Variants in SNX30 observed in about 807,000 individuals in gnomAD.
The protein encoded by SNX30 is sorting nexin family member 30, also known as sorting nexin-30.
SNX30 carries 24 observed loss-of-function variants against 46.4 expected under a neutral mutation model. The observed-to-expected ratio is 0.52, with a 90% CI of 0.37 to 0.73. The LOEUF (loss-of-function observed/expected upper bound fraction) is 0.73, where lower values mean the gene tolerates loss of function less well. SNX30 is among the 30% of genes least tolerant of loss of function. The pLI, the probability that SNX30 is intolerant of heterozygous loss-of-function variation, is 0.00. For missense variants in SNX30, 533 were observed against 555.7 expected (o/e 0.96, Z 0.41); for synonymous variants, 189 against 211.5 (o/e 0.89, Z 0.92).
At chr9:112,822,774 T>C (rs1010496219) in intron 3 of SNX30, among the ~76,000 whole-genome samples, 1 of 152,202 alleles carries the variant, frequency 6.6e-6, no homozygotes, top group African/African-American at 2.4e-5. Context: ...CTGTTCTGAA[T>C]AGTGTGATGA....
At chr9:112,785,369 C>T (rs1279949405) in intron 1 of SNX30, among the ~76,000 whole-genome samples, 1 of 142,404 alleles carries the variant, frequency 7.0e-6, no homozygotes, top group Admixed American at 7.6e-5. Flanking sequence ...GTGTGTACTA[C>T]CATGCCTGGC....
At chr9:112,884,652 G>A (rs558915683), downstream of SNX30, among the ~76,000 whole-genome samples, 6 of 152,312 alleles carry the variant, frequency 3.9e-5, no homozygotes, top group South Asian at 1.0e-3. Context: ...TTGTTTGCAC[G>A]TGTCTCTCTA....
chr9:112,770,204 C>T (rs1271406191), intron 1 of SNX30, among the ~76,000 whole-genome samples: 1 of 152,112 alleles, frequency 6.6e-6, no homozygotes, highest in East Asian at 1.9e-4. Flanking sequence ...TGGAGTCTCA[C>T]TCTGTTGGCC....
chr9:112,815,771 G>A (rs2131418533), intron 2 of SNX30, among the ~76,000 whole-genome samples: 1 of 152,296 alleles, frequency 6.6e-6, no homozygotes, highest in Middle Eastern at 3.4e-3. Flanking sequence ...TCTTTCATTA[G>A]CCCTTAATCA....
At chr9:112,861,127 G>A (rs552946179) in intron 7 of SNX30, among the ~76,000 whole-genome samples, 1 of 152,348 alleles carries the variant, frequency 6.6e-6, no homozygotes. Context: ...CTCGTGCTGT[G>A]TACTGAAGAG....
rs148986934 is a variant in SNX30, at chr9:112,812,698, G to A, written c.349-5007G>A. ...GTGTGTGTGAGACTATAAAAATAGT[G>A]TATGAGAATGGTGTAAAATTTGGAA... On this transcript the variant is annotated intron_variant, in intron 2 of 8. Transcript: ENST00000374232. Among the ~76,000 whole-genome samples, 843 of 152,242 alleles carry A rather than the reference G, an allele frequency of 5.5e-3. 1 individual carries two copies. The highest frequency in any genetic ancestry group is 9.4e-3 in the Non-Finnish European group (640 of 67,994).
At chr9:112,828,408 G>T (rs192965621) in intron 3 of SNX30, among the ~76,000 whole-genome samples, 66 of 152,314 alleles carry the variant, frequency 4.3e-4, no homozygotes, top group Non-Finnish European at 2.9e-5. Context: ...CTAGGTTTGT[G>T]TAGGTGCACT....
rs547065886 is a variant in SNX30, at chr9:112,796,129, G to A, written c.157-8647G>A. On this transcript the variant is annotated intron_variant, in intron 1 of 8. Coordinates refer to ENST00000374232, the MANE Select transcript of SNX30 (RefSeq NM_001012994.2). ...GGAGGTGGTAAGAAAGGAGGCTGCT[G>A]AGATCAAACCAGGCCAGATTGTGGG... Among the ~76,000 whole-genome samples the A allele has an allele frequency of 3.3e-5, 5 of 152,304 alleles. No homozygotes were observed. The East Asian group carries it at 9.7e-4, about 29-fold the overall frequency.
At chr9:112,759,477 C>T (rs1365855978) in intron 1 of SNX30, among the ~76,000 whole-genome samples, 2 of 152,138 alleles carry the variant, frequency 1.3e-5, no homozygotes, top group Non-Finnish European at 2.9e-5. Context: ...CGCTTGTAAT[C>T]CTAGCACTTT....
intron 7 of SNX30, among the ~76,000 whole-genome samples, chr9:112,857,920 CCCG>C (rs1841163426): frequency 1.3e-5 from 2 of 152,188 alleles, no homozygotes; most frequent in Non-Finnish European, 1.5e-5. Context: ...AAGTTACTGT[CCCG>C]TTCCCCAGCA....
chr9:112,753,518 G>C (rs1184885994), intron 1 of SNX30, among the ~76,000 whole-genome samples: 1 of 152,204 alleles, frequency 6.6e-6, no homozygotes, highest in Non-Finnish European at 1.5e-5. Context: ...GTATAGCTGT[G>C]ATTACAGGCG....
At chr9:112,775,781 C>CTT (rs35535657) in intron 1 of SNX30, among the ~76,000 whole-genome samples, 4,866 of 122,250 alleles carry the variant, frequency 0.04, 320 homozygotes, top group African/African-American at 0.14. Context: ...TATGTGTAGT[C>CTT]TTTTTTTTTT....
chr9:112,865,702 T>C (rs993756826), intron 8 of SNX30, among the ~76,000 whole-genome samples: 1 of 139,238 alleles, frequency 7.2e-6, no homozygotes, highest in African/African-American at 2.8e-5. Flanking sequence ...TATACACACA[T>C]ATATATACAC....
chr9:112,851,461 A>T (rs567281663), intron 7 of SNX30, among the ~76,000 whole-genome samples: 1 of 152,320 alleles, frequency 6.6e-6, no homozygotes, highest in Non-Finnish European at 1.5e-5. Context: ...GCACGGCAGG[A>T]CTACAGCTTG....
At chr9:112,752,281 A>G (rs1194274289) in intron 1 of SNX30, among the ~76,000 whole-genome samples, 1 of 152,172 alleles carries the variant, frequency 6.6e-6, no homozygotes, top group Non-Finnish European at 1.5e-5. Flanking sequence ...TTGTGAAAGC[A>G]GGGAGTGAAG....
At chr9:112,882,721 G>A (rs1017280639), downstream of SNX30, among the ~76,000 whole-genome samples, 5 of 152,212 alleles carry the variant, frequency 3.3e-5, no homozygotes, top group East Asian at 5.8e-4. Context: ...TTCTACCCTC[G>A]GTGGGTGGTG....
At chr9:112,884,181 G>A (rs1206739256), downstream of SNX30, among the ~76,000 whole-genome samples, 1 of 152,204 alleles carries the variant, frequency 6.6e-6, no homozygotes, top group African/African-American at 2.4e-5. Context: ...TTGGTACCAG[G>A]AAGAGGTGCA....
chr9:112,775,863 G>C (rs187875838), intron 1 of SNX30, among the ~76,000 whole-genome samples: 27 of 147,616 alleles, frequency 1.8e-4, no homozygotes, highest in African/African-American at 6.0e-4. Flanking sequence ...AGTTCTTGGC[G>C]ATTGTTCCAT....
At chr9:112,823,623 A>G (rs1333772100) in intron 3 of SNX30, among the ~76,000 whole-genome samples, 1 of 152,238 alleles carries the variant, frequency 6.6e-6, no homozygotes, top group African/African-American at 2.4e-5. Flanking sequence ...TTTAAGGAAG[A>G]AAGCTTTCTG....
Sources: allele counts gnomAD v4.1 joint callset (sites outside exome capture counted in the v4.1 genomes callset), GRCh38; gene constraint gnomAD v4.1.1; transcripts MANE v1.5; gene names NCBI Gene and HGNC (gene_info 2026-07-23, HGNC 2026-07-21).